Variants in ARMC2 observed in about 807,000 individuals in gnomAD.
ARMC2 encodes armadillo repeat-containing protein 2.
Under a neutral mutation model 90.3 loss-of-function variants are expected in ARMC2, and 67 were observed. The ratio of observed to expected loss-of-function variants is 0.74; its 90% CI spans 0.61 to 0.91. The LOEUF (loss-of-function observed/expected upper bound fraction) is 0.91. ARMC2 is among the 40% of genes least tolerant of loss of function. The probability of loss-of-function intolerance (pLI) is 0.00; values close to 1 mark genes in which losing one functional copy is unlikely to be tolerated. For synonymous variants in ARMC2, 393 were observed against 393.0 expected (o/e 1.00, Z 0.00); for missense variants, 920 against 1,030.9 (o/e 0.89, Z 1.47).
At chr6:108,997,313 G>C in the ARMC2 span, among the ~76,000 whole-genome samples, 29,991 of 152,112 alleles carry the variant, frequency 0.2, 3,688 homozygotes, top group African/African-American at 0.34. Flanking sequence ...GTAGCAAGGA[G>C]AAGAATCCAT....
At chr6:108,893,781 C>A (rs1460609226) in intron 5 of ARMC2, among the ~76,000 whole-genome samples, 1 of 152,230 alleles carries the variant, frequency 6.6e-6, no homozygotes, top group South Asian at 2.1e-4. Flanking sequence ...CTTTGGGAGG[C>A]TGAGGCGGGC....
At position 108,910,940 on chromosome 6, in the gene ARMC2, T is replaced by G. The variant is rs1396433236; in HGVS notation, c.1065T>G (p.Leu355=). ...SRKNLLNVCK[L]IFKISRNEKN... ...AGAATCTTCTTAATGTCTGCAAACTTATATTTAAAATTAGCAGGAATGAGA... is the reference window on the plus strand; with the variant it reads ...AGAATCTTCTTAATGTCTGCAAACTGATATTTAAAATTAGCAGGAATGAGA... The change falls in exon 9 of 18, where the codon CTT becomes CTG. Residue 355 remains leucine, a synonymous_variant. Transcript: ENST00000392644. The G allele has an allele frequency of 6.3e-7, 1 of 1,583,116 alleles. No individual in the cohort carries two copies. Among genetic ancestry groups the G allele is most frequent in the Non-Finnish European group, 8.6e-7 (1 of 1,163,982 alleles).
At chr6:108,883,909 G>A (rs1481510501) in intron 5 of ARMC2, among the ~76,000 whole-genome samples, 1 of 152,054 alleles carries the variant, frequency 6.6e-6, no homozygotes, top group African/African-American at 2.4e-5. Context: ...TGTCTGGAAT[G>A]ATGTTGACCA....
At chr6:108,918,232 A>G (rs1438458043) in intron 10 of ARMC2, among the ~76,000 whole-genome samples, 1 of 152,142 alleles carries the variant, frequency 6.6e-6, no homozygotes, top group Non-Finnish European at 1.5e-5. Flanking sequence ...AAAGGAAGTG[A>G]CTAGGAAATG....
chr6:108,858,262 A>G lies in ARMC2; in HGVS notation c.282A>G (p.Pro94=), dbSNP rs1214285725. Residue 94 remains proline (P), a synonymous_variant, in exon 3 of 18, where the codon CCA becomes CCG. Coordinates refer to ENST00000392644, the MANE Select transcript of ARMC2 (RefSeq NM_032131.6). ...SRPISGTRLS[P]LELKPKVPAS... ...CTATCTCTGGCACACGTCTTAGTCC[A>G]CTAGAGCTGGTGAGTACTTTGTATA... 3 of 1,607,600 alleles carry G rather than the reference A, an allele frequency of 1.9e-6. No homozygotes were observed. The highest frequency in any genetic ancestry group is 1.7e-5 in the Admixed American group (1 of 59,790).
intron 5 of ARMC2, among the ~76,000 whole-genome samples, chr6:108,882,161 G>C (rs1194303650): frequency 6.6e-6 from 1 of 151,872 alleles, no homozygotes; most frequent in Non-Finnish European, 1.5e-5. Flanking sequence ...AAGGGTTCAG[G>C]CATGGTGGCT....
intron 3 of ARMC2, among the ~76,000 whole-genome samples, chr6:108,867,254 G>A (rs1775909827): frequency 6.6e-6 from 1 of 152,172 alleles, no homozygotes; most frequent in Non-Finnish European, 1.5e-5. Context: ...ACTAGGAGCT[G>A]AGTCACCCTG....
Position 108,953,338 on chromosome 6 carries a change from C to T in ARMC2, c.1902C>T (p.Leu634=), listed in dbSNP as rs751965163. The T allele has an allele frequency of 4.4e-6, 7 of 1,603,468 alleles. No homozygotes were observed. The highest frequency in any genetic ancestry group is 2.2e-5 in the East Asian group (1 of 44,790). ...CCAACCCGGGGATAGTGGGCCTGCT[C>T]CTGACCACGCTGGGTGAGAACCGCA... The part of the protein sequence containing the change: ...LAANPGIVGL[L]LTTLEYKSLD... The change falls in exon 13 of 18, where the codon CTC becomes CTT. Residue 634 remains leucine (L), a synonymous_variant. Transcript: ENST00000392644.
At chr6:109,036,794 T>C in the ARMC2 span, among the ~76,000 whole-genome samples, 1 of 152,214 alleles carries the variant, frequency 6.6e-6, no homozygotes, top group Non-Finnish European at 1.5e-5. Context: ...TCCCCATTAG[T>C]AGAGTATCAT....
intron 10 of ARMC2, among the ~76,000 whole-genome samples, chr6:108,926,921 CTT>C (rs34646224): frequency 1.8e-3 from 253 of 138,052 alleles, no homozygotes; most frequent in Middle Eastern, 7.3e-3. Context: ...TTATTTGAAG[CTT>C]TTTTTTTTTT....
the ARMC2 span, among the ~76,000 whole-genome samples, chr6:109,044,191 G>A: frequency 1.8e-3 from 277 of 151,000 alleles, 1 homozygote; most frequent in African/African-American, 6.3e-3. Flanking sequence ...GGCACCTGCC[G>A]GTGATCCCAG....
intron 7 of ARMC2, among the ~76,000 whole-genome samples, chr6:108,902,160 T>C (rs1772225093): frequency 6.6e-6 from 1 of 152,240 alleles, no homozygotes; most frequent in African/African-American, 2.4e-5. Flanking sequence ...TGTTACTCTC[T>C]GTTACAATCA....
chr6:108,946,855 T>C (rs1438177319), intron 12 of ARMC2, among the ~76,000 whole-genome samples: 1 of 152,192 alleles, frequency 6.6e-6, no homozygotes, highest in Non-Finnish European at 1.5e-5. Flanking sequence ...GTCAACATTA[T>C]GCACATGAGT....
At chr6:108,879,073 C>T (rs1341902159) in intron 5 of ARMC2, among the ~76,000 whole-genome samples, 1 of 151,578 alleles carries the variant, frequency 6.6e-6, no homozygotes, top group Non-Finnish European at 1.5e-5. Context: ...ACCCACCCAT[C>T]CGTCTACCTA....
Position 108,941,697 on chromosome 6 carries a change from A to C in ARMC2, c.1596+4698A>C, listed in dbSNP as rs890346948. 6.6e-5 allele frequency among the ~76,000 whole-genome samples: 10 copies of C among 152,200 alleles called. 1 individual carries two copies. Among genetic ancestry groups the C allele is most frequent in the South Asian group, 4.1e-4 (2 of 4,832 alleles). The stretch of plus-strand genomic sequence containing the variant: ...TAACCCAGAAATTTTAAGTGCTTGT[A>C]AATTCCCGGTTCTTCAGTTGTGCTT... On this transcript the variant is annotated intron_variant, in intron 12 of 17. Transcript: ENST00000392644.
intron 12 of ARMC2, among the ~76,000 whole-genome samples, chr6:108,948,195 C>G (rs1583192388): frequency 6.6e-6 from 1 of 152,246 alleles, no homozygotes; most frequent in South Asian, 2.1e-4. Flanking sequence ...CAACGCAGAC[C>G]TTGGTTCAGT....
At chr6:108,865,246 G>T (rs748228851) in intron 3 of ARMC2, among the ~76,000 whole-genome samples, 1 of 152,146 alleles carries the variant, frequency 6.6e-6, no homozygotes, top group Non-Finnish European at 1.5e-5. Flanking sequence ...GCCTCCCAAA[G>T]TGCTGGGATT....
chr6:109,025,585 T>C, the ARMC2 span, among the ~76,000 whole-genome samples: 1 of 150,676 alleles, frequency 6.6e-6, no homozygotes, highest in Non-Finnish European at 1.5e-5. Flanking sequence ...AATATGCTTT[T>C]TAAAACTTTA....
intron 13 of ARMC2, among the ~76,000 whole-genome samples, 152 bp from the exon 14 acceptor site, chr6:108,961,420 G>A (rs908066438): frequency 1.3e-5 from 2 of 152,224 alleles, no homozygotes; most frequent in Non-Finnish European, 2.9e-5. Flanking sequence ...GGAGTCGGGG[G>A]AAATCAAGTG....
Sources: allele counts gnomAD v4.1 joint callset (sites outside exome capture counted in the v4.1 genomes callset), GRCh38; gene constraint gnomAD v4.1.1; transcripts MANE v1.5; gene names NCBI Gene and HGNC (gene_info 2026-07-23, HGNC 2026-07-21).